PIK3CB: variants seen among roughly 807,000 people sequenced by gnomAD.
PIK3CB encodes the protein phosphatidylinositol 4,5-bisphosphate 3-kinase catalytic subunit beta isoform.
A neutral mutation model predicts 136.8 loss-of-function variants in PIK3CB; 39 were observed. That is an observed-to-expected ratio of 0.29 (90% CI 0.22 to 0.37). The LOEUF (loss-of-function observed/expected upper bound fraction) is 0.37. Ranked by LOEUF, PIK3CB falls within the 10% of genes least tolerant of loss-of-function variation. The pLI, the probability that PIK3CB is intolerant of heterozygous loss-of-function variation, is 1.00. For synonymous variants in PIK3CB, 428 were observed against 436.6 expected, an observed-to-expected ratio of 0.98 and a Z score of 0.25; for missense variants, 868 against 1,275.4, an observed-to-expected ratio of 0.68 and a Z score of 4.87.
chr3:138,714,684 C>A lies in PIK3CB; in HGVS notation c.1086G>T (p.Glu362Asp). Residue 362 changes from glutamate to aspartate, a missense_variant, in exon 9 of 24, where the codon GAG (glutamate) becomes GAT (aspartate). Transcript: ENST00000674063. ...AGCTTACGATGGTTTTACACAGGAGCTCAGTACCATGAAAAAGACCAGCCC... is the reference window on the plus strand; with the variant it reads ...AGCTTACGATGGTTTTACACAGGAGATCAGTACCATGAAAAAGACCAGCCC... Reference protein sequence around the residue: ...HVRAGLFHGTELLCKTIVSSE... With the variant: ...HVRAGLFHGTDLLCKTIVSSE... The A allele has an allele frequency of 6.2e-7, 1 of 1,611,288 alleles. No individual in the cohort carries two copies. Among genetic ancestry groups the A allele is most frequent in the Non-Finnish European group, 8.5e-7 (1 of 1,178,880 alleles).
chr3:138,737,660 T>C, intron 6 of PIK3CB, 47 bp downstream of exon 6: 2 of 695,576 alleles, frequency 2.9e-6, no homozygotes, highest in Middle Eastern at 4.4e-4. Flanking sequence ...TATATATATA[T>C]ATATACTCAT....
intron 21 of PIK3CB, 68 bp downstream of exon 21, chr3:138,663,838 A>G: frequency 6.6e-7 from 1 of 1,505,224 alleles, no homozygotes; most frequent in Non-Finnish European, 9.0e-7. Context: ...TGAGTTGCAC[A>G]AGAGATTATG....
chr3:138,707,679 CAAT>C, intron 10 of PIK3CB: 1 of 357,916 alleles, frequency 2.8e-6, no homozygotes, highest in Non-Finnish European at 3.9e-6. Flanking sequence ...ATGGTTGTCA[CAAT>C]AACCAAATTG....
rs182718932 is a variant in PIK3CB, at chr3:138,812,245, T to C, written c.-121-15678A>G. On this transcript the variant is annotated intron_variant, in intron 1 of 23. Coordinates refer to ENST00000674063, the MANE Select transcript of PIK3CB (RefSeq NM_006219.3). ...TAAAAAGGTAGAATGAGAGGTTTTT[T>C]TTTTTTTGGGGGGACAGAGTCTCGC... 6.9e-4 allele frequency among the ~76,000 whole-genome samples: 104 copies of C among 151,568 alleles called. No individual in the cohort carries two copies. In the East Asian group the frequency reaches 0.019, roughly 28 times the overall value.
At chr3:138,694,216 T>C (rs2044087060) in intron 14 of PIK3CB, among the ~76,000 whole-genome samples, 1 of 151,388 alleles carries the variant, frequency 6.6e-6, no homozygotes, top group Non-Finnish European at 1.5e-5. Flanking sequence ...CAAATAATGG[T>C]TTATGTTGTA....
Position 138,653,210 on chromosome 3 carries a change from A to G in PIK3CB, c.*2179T>C, listed in dbSNP as rs635592. ...GCAATTTGATTCAAAATTTCCATAG[A>G]TTTCTATTTGTGGAACCCAATAAAT... On this transcript the variant is annotated 3_prime_UTR_variant, in exon 24 of 24. Coordinates refer to ENST00000674063, the MANE Select transcript of PIK3CB (RefSeq NM_006219.3). 108,449 of 179,388 alleles carry G rather than the reference A, an allele frequency of 0.6. 34,050 individuals are homozygous for G. The highest frequency in any genetic ancestry group is 0.98 in the East Asian group (10,587 of 10,788). The allele number at this position is 179,388 out of a possible 1,614,324, so 11.1% of individuals were successfully genotyped here. A position where few individuals can be genotyped will look rare whatever the true frequency, so the allele number is the denominator to read the frequency against.
In PIK3CB at chr3:138,832,877, T is replaced by C. The variant is rs1001714647; in HGVS notation, c.-122+1818A>G. 5.0e-5 allele frequency among the ~76,000 whole-genome samples: 7 copies of C among 140,204 alleles called. No homozygotes were observed. In the South Asian group the frequency reaches 1.6e-3, roughly 33 times the overall value. 92.0% of individuals were successfully genotyped at this position (140,204 alleles called of 152,430 possible). On this transcript the variant is annotated intron_variant, in intron 1 of 23. Transcript: ENST00000674063. ...AAATTGAAAGATTGGCCAGGCGTGG[T>C]GGCACGCCCCTGTAGTCTCAGCCAC...
At chr3:138,660,945 T>G (rs1188232416) in intron 21 of PIK3CB, among the ~76,000 whole-genome samples, 5 of 152,222 alleles carry the variant, frequency 3.3e-5, no homozygotes, top group African/African-American at 1.2e-4. Flanking sequence ...TGGACTTCCT[T>G]GTATAGAAAC....
At chr3:138,708,081 C>CT (rs1403662605) in intron 10 of PIK3CB, among the ~76,000 whole-genome samples, 1 of 151,928 alleles carries the variant, frequency 6.6e-6, no homozygotes, top group Non-Finnish European at 1.5e-5. Flanking sequence ...TACAGTTGTT[C>CT]TTTCTGTATC....
At chr3:138,710,609 A>T (rs1351784968) in intron 10 of PIK3CB, among the ~76,000 whole-genome samples, 1 of 152,212 alleles carries the variant, frequency 6.6e-6, no homozygotes, top group East Asian at 1.9e-4. Flanking sequence ...TTTCATTCAA[A>T]TCCTAGGTTT....
intron 19 of PIK3CB, among the ~76,000 whole-genome samples, chr3:138,672,343 T>C (rs538225231): frequency 2.9e-4 from 44 of 152,192 alleles, no homozygotes; most frequent in African/African-American, 9.6e-4. Flanking sequence ...AAATATAAAC[T>C]ATCTATGAGG....
intron 5 of PIK3CB, among the ~76,000 whole-genome samples, chr3:138,738,735 A>G (rs2045170648): frequency 6.6e-6 from 1 of 152,184 alleles, no homozygotes; most frequent in South Asian, 2.1e-4. Flanking sequence ...CTAGCAAGGT[A>G]ATTTTTCATT....
At chr3:138,803,379 C>T (rs2108847093) in intron 1 of PIK3CB, among the ~76,000 whole-genome samples, 1 of 152,236 alleles carries the variant, frequency 6.6e-6, no homozygotes, top group Non-Finnish European at 1.5e-5. Flanking sequence ...TCTTTATTTG[C>T]ATTAGTTTCT....
chr3:138,700,935 C>A (rs1284034779), intron 12 of PIK3CB, among the ~76,000 whole-genome samples: 1 of 152,074 alleles, frequency 6.6e-6, no homozygotes, highest in East Asian at 1.9e-4. Flanking sequence ...TCAAAATACG[C>A]CCCCACAAAA....
intron 13 of PIK3CB, 33 bp from the exon 14 acceptor site, chr3:138,694,940 T>C (rs1451832711): frequency 6.3e-7 from 1 of 1,581,642 alleles, no homozygotes; most frequent in Non-Finnish European, 8.6e-7. Context: ...TCAGAAATAA[T>C]GGGGGACAAA....
At chr3:138,729,825 T>C (rs2044931602) in intron 8 of PIK3CB, among the ~76,000 whole-genome samples, 1 of 152,224 alleles carries the variant, frequency 6.6e-6, no homozygotes, top group South Asian at 2.1e-4. Flanking sequence ...TTATATGTGA[T>C]AATATAGATA....
rs1164408192 is a variant in PIK3CB at position 138,799,992 on chromosome 3, C to T, written c.-121-3425G>A. ...CCATGCCAGGCTCTGACCTCATCTG[C>T]TTTCCTCTTCATTCAACTACTCTCT... is the stretch of plus-strand genomic sequence containing the variant. On this transcript the variant is annotated intron_variant, in intron 1 of 23. Transcript: ENST00000674063. Among the ~76,000 whole-genome samples the T allele has an allele frequency of 2.0e-5, 3 of 151,982 alleles. No individual in the cohort carries two copies. The East Asian group carries it at 5.8e-4, about 29-fold the overall frequency.
intron 1 of PIK3CB, among the ~76,000 whole-genome samples, chr3:138,826,761 G>A (rs1284600405): frequency 6.6e-6 from 1 of 152,024 alleles, no homozygotes; most frequent in East Asian, 1.9e-4. Flanking sequence ...CAAAAACTAA[G>A]TTGTCTAATT....
intron 2 of PIK3CB, among the ~76,000 whole-genome samples, chr3:138,771,305 C>T (rs2108764227): frequency 6.7e-6 from 1 of 149,884 alleles, no homozygotes; most frequent in Non-Finnish European, 1.5e-5. Flanking sequence ...TCACTGCAAG[C>T]TCTGCCTCCC....
Sources: gnomAD v4.1 joint callset for allele counts (sites outside exome capture counted in the v4.1 genomes callset) on GRCh38, gnomAD v4.1.1 for gene constraint, MANE v1.5 for transcripts, NCBI Gene and HGNC (gene_info 2026-07-23, HGNC 2026-07-21) for gene names.